The following CYP7B1 variants were observed in gnomAD, a reference collection of about 807,000 sequenced individuals.
The protein encoded by CYP7B1 is cytochrome P450 7B1.
Under a neutral mutation model 42.7 loss-of-function variants are expected in CYP7B1, and 29 were observed. That is an observed-to-expected ratio of 0.68 (90% CI 0.51 to 0.93). CYP7B1 has a LOEUF of 0.93. Ranked by LOEUF, CYP7B1 falls within the 40% of genes least tolerant of loss-of-function variation. The probability of loss-of-function intolerance (pLI) is 0.00; values close to 1 mark genes in which losing one functional copy is unlikely to be tolerated. For synonymous variants in CYP7B1, 235 were observed against 218.2 expected, an observed-to-expected ratio of 1.08 and a Z score of -0.68; for missense variants, 655 against 600.5, an observed-to-expected ratio of 1.09 and a Z score of -0.95.
At chr8:64,666,442 G>T (rs1456363297) in intron 1 of CYP7B1, among the ~76,000 whole-genome samples, 1 of 152,172 alleles carries the variant, frequency 6.6e-6, no homozygotes, top group Non-Finnish European at 1.5e-5. Flanking sequence ...GTGAAAGAGA[G>T]TAATAAGAAC....
At chr8:64,698,890 A>G (rs1408105890) in intron 1 of CYP7B1, among the ~76,000 whole-genome samples, 5 of 152,224 alleles carry the variant, frequency 3.3e-5, no homozygotes, top group African/African-American at 9.6e-5. Flanking sequence ...TTCACTCATT[A>G]GAAATTTAAA....
chr8:64,628,418 G>T (rs1209776377), intron 1 of CYP7B1, among the ~76,000 whole-genome samples: 2 of 152,110 alleles, frequency 1.3e-5, no homozygotes, highest in Non-Finnish European at 2.9e-5. Flanking sequence ...GGAGGCTGAG[G>T]GCAGGTCACT....
At chr8:64,590,266 C>T (rs888064802), downstream of CYP7B1, among the ~76,000 whole-genome samples, 3 of 152,328 alleles carry the variant, frequency 2.0e-5, no homozygotes, top group Admixed American at 6.5e-5. Context: ...ATGTTAGTGA[C>T]TCACACCAGT....
chr8:64,784,232 C>T (rs1193244566), intron 1 of CYP7B1, among the ~76,000 whole-genome samples: 1 of 152,058 alleles, frequency 6.6e-6, no homozygotes, highest in Non-Finnish European at 1.5e-5. Context: ...GATAATGCAG[C>T]TAAGTAGAGA....
chr8:64,649,382 C>T (rs11996031), intron 1 of CYP7B1, among the ~76,000 whole-genome samples: 75,612 of 151,900 alleles, frequency 0.5, 20,171 homozygotes, highest in Non-Finnish European at 0.58. Context: ...TTACATATTG[C>T]GGAATTTTCT....
intron 1 of CYP7B1, among the ~76,000 whole-genome samples, chr8:64,757,782 A>C (rs1004224301): frequency 1.3e-5 from 2 of 152,116 alleles, no homozygotes; most frequent in Non-Finnish European, 2.9e-5. Flanking sequence ...AACCCTGAAT[A>C]CTCACACATG....
chr8:64,775,187 G>T (rs1804304415), intron 1 of CYP7B1, among the ~76,000 whole-genome samples: 1 of 151,964 alleles, frequency 6.6e-6, no homozygotes, highest in Non-Finnish European at 1.5e-5. Flanking sequence ...AAATAGCATT[G>T]CTCCAGTCTT....
chr8:64,748,656 C>T (rs1359879722), intron 1 of CYP7B1, among the ~76,000 whole-genome samples: 1 of 152,170 alleles, frequency 6.6e-6, no homozygotes, highest in Non-Finnish European at 1.5e-5. Flanking sequence ...TAGTATTCTT[C>T]AGGGTTCTAT....
chr8:64,648,627 A>C (rs1805989822), intron 1 of CYP7B1, among the ~76,000 whole-genome samples: 1 of 152,176 alleles, frequency 6.6e-6, no homozygotes, highest in Non-Finnish European at 1.5e-5. Flanking sequence ...TAATTAATTC[A>C]TTCTGTTTTG....
chr8:64,715,088 G>A (rs1807135080), intron 1 of CYP7B1, among the ~76,000 whole-genome samples: 1 of 152,146 alleles, frequency 6.6e-6, no homozygotes, highest in African/African-American at 2.4e-5. Context: ...TATCTTTGTT[G>A]CTTTCCAAGG....
At position 64,596,511 on chromosome 8, in the gene CYP7B1, T is replaced by A. The variant is rs1585795567; in HGVS notation, c.*131A>T. 1.1e-6 allele frequency: 1 copy of A among 919,228 alleles called. No homozygotes were observed. The highest frequency in any genetic ancestry group is 1.7e-5 in the South Asian group (1 of 58,880). The allele number at this position is 919,228 out of a possible 1,614,324, so 56.9% of individuals were successfully genotyped here. ...TGACTAAGGACAAACTGGACTGATA[T>A]CAGATCAAATAGAAATTAGCGCTTT... On this transcript the variant is annotated 3_prime_UTR_variant, in exon 6 of 6. Transcript: ENST00000310193.
chr8:64,620,657 TGTTCTTCATTTCACATTTTCTAAATGA>T (rs1159194705), intron 2 of CYP7B1, among the ~76,000 whole-genome samples: 1 of 152,232 alleles, frequency 6.6e-6, no homozygotes, highest in Non-Finnish European at 1.5e-5. Flanking sequence ...CGGAAGACTT[TGTTCTTCATTTCACATTTTCTAAATGA>T]GCTACTTTGC....
At chr8:64,629,264 A>C (rs945978498) in intron 1 of CYP7B1, among the ~76,000 whole-genome samples, 9 of 150,808 alleles carry the variant, frequency 6.0e-5, no homozygotes, top group African/African-American at 2.2e-4. Flanking sequence ...CGCTTCTTAC[A>C]GCAATCTATA....
chr8:64,751,726 G>A (rs1444491065), intron 1 of CYP7B1, among the ~76,000 whole-genome samples: 1 of 152,120 alleles, frequency 6.6e-6, no homozygotes, highest in Non-Finnish European at 1.5e-5. Context: ...ATATGGGAGT[G>A]CTTACCCTTG....
At chr8:64,717,839 C>G (rs1449950562) in intron 1 of CYP7B1, among the ~76,000 whole-genome samples, 2 of 151,002 alleles carry the variant, frequency 1.3e-5, no homozygotes, top group Non-Finnish European at 2.9e-5. Context: ...AGAACCAGAC[C>G]CTGCCTCCAA....
intron 1 of CYP7B1, among the ~76,000 whole-genome samples, chr8:64,707,737 C>T (rs966060654): frequency 1.3e-5 from 2 of 151,784 alleles, no homozygotes; most frequent in African/African-American, 4.8e-5. Context: ...TTTCTAAAGA[C>T]TTAAAATCCA....
chr8:64,711,684 G>A (rs149853284), intron 1 of CYP7B1, among the ~76,000 whole-genome samples: 1 of 152,316 alleles, frequency 6.6e-6, no homozygotes, highest in East Asian at 1.9e-4. Flanking sequence ...AGGCACCCTT[G>A]TGGGGGTTAT....
At position 64,792,743 on chromosome 8, in the gene CYP7B1, C is replaced by G. The variant is rs535845138; in HGVS notation, c.122+5723G>C. Reference sequence around the variant, plus strand: ...GATCATACACAGATCCTCGCAAATACGTGATTGTGATGATTTAGATGATGA... The same window carrying G: ...GATCATACACAGATCCTCGCAAATAGGTGATTGTGATGATTTAGATGATGA... On this transcript the variant is annotated intron_variant, in intron 1 of 5. Coordinates refer to ENST00000310193, the MANE Select transcript of CYP7B1 (RefSeq NM_004820.5). Among the ~76,000 whole-genome samples the G allele has an allele frequency of 1.2e-3, 185 of 152,168 alleles. 1 individual carries two copies. Among genetic ancestry groups the G allele is most frequent in the Non-Finnish European group, 2.1e-3 (143 of 68,022 alleles).
intron 1 of CYP7B1, among the ~76,000 whole-genome samples, chr8:64,723,760 T>A (rs1225966753): frequency 6.6e-6 from 1 of 152,050 alleles, no homozygotes; most frequent in East Asian, 1.9e-4. Context: ...AAATCATATA[T>A]AATCAAAGAT....
Sources: gnomAD v4.1 joint callset for allele counts (sites outside exome capture counted in the v4.1 genomes callset) on GRCh38, gnomAD v4.1.1 for gene constraint, MANE v1.5 for transcripts, NCBI Gene and HGNC (gene_info 2026-07-23, HGNC 2026-07-21) for gene names.